The following PAPLN variants were observed in gnomAD, a reference collection of about 807,000 sequenced individuals.
PAPLN encodes the protein papilin, proteoglycan like sulfated glycoprotein, also known as papilin.
A neutral mutation model predicts 159.0 loss-of-function variants in PAPLN; 146 were observed. The ratio of observed to expected loss-of-function variants is 0.92; its 90% CI spans 0.80 to 1.05. The LOEUF is 1.05. Among genes scored for constraint, PAPLN ranks in the 50% least tolerant of loss-of-function variants. PAPLN has a pLI of 0.00. For synonymous variants in PAPLN, 734 were observed against 702.9 expected, an observed-to-expected ratio of 1.04 and a Z score of -0.70; for missense variants, 1,720 against 1,743.9, an observed-to-expected ratio of 0.99 and a Z score of 0.24.
intron 14 of PAPLN, among the ~76,000 whole-genome samples, chr14:73,258,167 G>A (rs374041195): frequency 2.1e-4 from 32 of 152,256 alleles, no homozygotes; most frequent in African/African-American, 7.0e-4. Context: ...CTTTTAAAGT[G>A]TACAGGTTGG....
At chr14:73,238,284 A>C (rs185263053) in intron 1 of PAPLN, among the ~76,000 whole-genome samples, 11 of 152,228 alleles carry the variant, frequency 7.2e-5, no homozygotes. Context: ...GTTCCCCGGG[A>C]ACAACACGTT....
chr14:73,237,174 G>T (rs1371173251), upstream of PAPLN, among the ~76,000 whole-genome samples: 3 of 152,184 alleles, frequency 2.0e-5, no homozygotes, highest in Non-Finnish European at 4.4e-5. Flanking sequence ...GAAGGTGGTG[G>T]CTGGACACAG....
At position 73,244,308 on chromosome 14, in the gene PAPLN, C is replaced by T. The variant is rs558073000; in HGVS notation, c.55-336C>T. The stretch of plus-strand genomic sequence containing the variant: ...TTTTAGGCCCCCCTCCCCTACATCA[C>T]GGTTAACCTACAAATGCCTGGACCC... On this transcript the variant is annotated intron_variant, in intron 2 of 26. Coordinates refer to ENST00000644200, the MANE Select transcript of PAPLN (RefSeq NM_001365906.3). The T allele has an allele frequency of 4.7e-3, 1,046 of 221,464 alleles. 4 individuals carry two copies. Among genetic ancestry groups the T allele is most frequent in the Admixed American group, 7.7e-3 (150 of 19,418 alleles). 13.7% of individuals were successfully genotyped at this position (221,464 alleles called of 1,614,324 possible).
chr14:73,253,677 G>T, intron 11 of PAPLN, 77 bp from the exon 12 acceptor site: 1 of 1,383,212 alleles, frequency 7.2e-7, no homozygotes, highest in Non-Finnish European at 9.8e-7. Flanking sequence ...ACCTGTGTGA[G>T]TGAGGGCAGA....
In PAPLN at chr14:73,264,388, GGCCAGGAT is replaced by G; in HGVS notation, c.2986+55_2986+62del. ...GCGTTCTCAGGGGCCCGAGTGGGAA[GGCCAGGAT>G]GGGGAGCCTGACCGAGGGCTGCCTC... On this transcript the variant is annotated intron_variant, in intron 21 of 26. Transcript: ENST00000644200. The G allele has an allele frequency of 5.1e-6, 8 of 1,581,298 alleles. No individual in the cohort carries two copies. In the South Asian group the frequency reaches 9.3e-5, roughly 18 times the overall value.
intron 5 of PAPLN, among the ~76,000 whole-genome samples, chr14:73,246,396 AATTTTTT>A (rs2140200932): frequency 1.1e-5 from 1 of 91,944 alleles, no homozygotes; most frequent in African/African-American, 4.7e-5. Flanking sequence ...GTACCCGACC[AATTTTTT>A]TTTTTTTTTT....
At chr14:73,251,637 C>G (rs373474165) in intron 8 of PAPLN, 27 bp from the exon 9 acceptor site, 1 of 1,613,406 alleles carries the variant, frequency 6.2e-7, no homozygotes. Flanking sequence ...CTCCCTCTGG[C>G]TGACTGAGGC....
chr14:73,259,526 GC>G lies in PAPLN; in HGVS notation c.1971del (p.Cys658ValfsTer144). On this transcript the variant is annotated frameshift_variant, in exon 16 of 27. Coordinates refer to ENST00000644200, the MANE Select transcript of PAPLN (RefSeq NM_001365906.3). LOFTEE classifies it high-confidence loss of function. ...LGPQWQGCPG[A>X]PCQQSRYGCC... ...GCCTCAGTGGCAAGGCTGCCCTGGG[GC>G]CCCCTGTCAGCAGAGCAGGTGGGTG... 1.3e-6 allele frequency: 2 copies of G among 1,584,638 alleles called. No individual in the cohort carries two copies. Among genetic ancestry groups the G allele is most frequent in the Non-Finnish European group, 8.6e-7 (1 of 1,164,922 alleles).
At position 73,250,951 on chromosome 14, in the gene PAPLN, C is replaced by T. The variant is rs1885181024; in HGVS notation, c.510C>T (p.Asp170=). The T allele has an allele frequency of 6.2e-7, 1 of 1,613,824 alleles. No homozygotes were observed. Among genetic ancestry groups the T allele is most frequent in the Non-Finnish European group, 8.5e-7 (1 of 1,179,956 alleles). ...DHELDSSKQE[D]KCLRCGGDGT... ...AGCTGGACTCGTCCAAGCAGGAGGA[C>T]AAGTGTCTGCGGTGTGGGGGTGACG... Residue 170 remains aspartate, a synonymous_variant, in exon 7 of 27, where the codon GAC becomes GAT. Transcript: ENST00000644200.
chr14:73,260,135 GC>G (rs992863060), intron 16 of PAPLN, among the ~76,000 whole-genome samples: 1 of 152,176 alleles, frequency 6.6e-6, no homozygotes, highest in African/African-American at 2.4e-5. Flanking sequence ...GGTGACTTGG[GC>G]CACGTGACTT....
chr14:73,244,541 T>C (rs1336830454), intron 2 of PAPLN, 103 bp from the exon 3 acceptor site: 1 of 973,238 alleles, frequency 1.0e-6, no homozygotes, highest in Non-Finnish European at 1.6e-6. Context: ...AATCCCAGAC[T>C]CCTTGATGGG....
chr14:73,257,710 G>A (rs1886074125), intron 14 of PAPLN, among the ~76,000 whole-genome samples: 2 of 141,780 alleles, frequency 1.4e-5, no homozygotes, highest in Admixed American at 1.4e-4. Context: ...CCCACAACTA[G>A]TATTTGGCTA....
chr14:73,265,469 C>A lies in PAPLN; in HGVS notation c.3225C>A (p.Ile1075=), dbSNP rs772613816. 6.2e-7 allele frequency: 1 copy of A among 1,613,908 alleles called. No individual in the cohort carries two copies. Among genetic ancestry groups the A allele is most frequent in the Non-Finnish European group, 8.5e-7 (1 of 1,180,036 alleles). ...CCGAAGGCTTCCCGCCCCCAGCCAT[C>A]GAGTGGCAGAGAGATGGGCAGCCTG... is the stretch of plus-strand genomic sequence containing the variant. ...CRAEGFPPPA[I]EWQRDGQPVS... is the part of the protein sequence containing the mutation. The change falls in exon 23 of 27, where the codon ATC becomes ATA. Residue 1075 remains isoleucine, a synonymous_variant. Transcript: ENST00000644200. The surrounding 1 kb of genome is among the most constrained non-coding windows in gnomAD (Gnocchi z 4.1).
chr14:73,260,867 G>A (rs759837693), intron 17 of PAPLN, 38 bp downstream of exon 17: 10 of 1,494,098 alleles, frequency 6.7e-6, no homozygotes, highest in Non-Finnish European at 8.9e-6. Context: ...CAGGGGGCCA[G>A]CCCGTGAGCC....
At chr14:73,271,584 C>T (rs1444438719) in intron 26 of PAPLN, among the ~76,000 whole-genome samples, 2 of 151,948 alleles carry the variant, frequency 1.3e-5, no homozygotes. Flanking sequence ...TCACTGTAAC[C>T]TCTGCCTCCT....
intron 20 of PAPLN, 188 bp downstream of exon 20, chr14:73,263,970 T>C: frequency 6.2e-6 from 8 of 1,288,430 alleles, no homozygotes; most frequent in Non-Finnish European, 8.1e-6. Context: ...CGACCTCCTC[T>C]GACAGGTGTG....
chr14:73,263,012 A>G, intron 19 of PAPLN, 185 bp downstream of exon 19: 1 of 488,300 alleles, frequency 2.0e-6, no homozygotes, highest in Non-Finnish European at 3.4e-6. Flanking sequence ...GGCTTCAGAG[A>G]CTTGAGGCTA....
chr14:73,251,236 ACCGCCTGGATGCCC>A (rs1256751184), intron 7 of PAPLN, among the ~76,000 whole-genome samples: 1 of 151,962 alleles, frequency 6.6e-6, no homozygotes, highest in Non-Finnish European at 1.5e-5. Flanking sequence ...TCCTGCTGCC[ACCGCCTGGATGCCC>A]TCCCCATCCC....
chr14:73,241,014 G>GGT (rs1555359868), intron 2 of PAPLN, among the ~76,000 whole-genome samples: 1 of 141,096 alleles, frequency 7.1e-6, no homozygotes, highest in African/African-American at 2.8e-5. Context: ...TGGGGAGGTC[G>GGT]GGGGGGGGAT....
Sources: allele counts gnomAD v4.1 joint callset (sites outside exome capture counted in the v4.1 genomes callset), GRCh38; gene constraint gnomAD v4.1.1; non-coding constraint Gnocchi (gnomAD v3.1); transcripts MANE v1.5; gene names NCBI Gene and HGNC (gene_info 2026-07-23, HGNC 2026-07-21).